Variants in MYO9A observed in about 807,000 individuals in gnomAD.
MYO9A encodes unconventional myosin-IXa.
In MYO9A, 103 loss-of-function variants were observed where a neutral mutation model predicts 293.3. That is an observed-to-expected ratio of 0.35 (90% CI 0.30 to 0.41). The LOEUF (loss-of-function observed/expected upper bound fraction) is 0.41, where lower values mean the gene tolerates loss of function less well. MYO9A is among the 10% of genes least tolerant of loss of function. The pLI is 1.00. For synonymous variants in MYO9A, 1,001 were observed against 1,035.7 expected (o/e 0.97, Z 0.64); for missense variants, 2,685 against 3,033.0 (o/e 0.89, Z 2.69).
At chr15:71,928,987 C>T (rs1003701222) in intron 18 of MYO9A, among the ~76,000 whole-genome samples, 4 of 151,570 alleles carry the variant, frequency 2.6e-5, no homozygotes, top group African/African-American at 9.7e-5. Flanking sequence ...GGAAGGATTG[C>T]TTGAACCCAT....
At chr15:71,904,740 C>A (rs1596153647) in intron 20 of MYO9A, among the ~76,000 whole-genome samples, 186 bp downstream of exon 20, 1 of 152,106 alleles carries the variant, frequency 6.6e-6, no homozygotes, top group African/African-American at 2.4e-5. Flanking sequence ...GATGCTAAAT[C>A]AAATCCAAAT....
intron 11 of MYO9A, among the ~76,000 whole-genome samples, chr15:71,987,032 C>G (rs1824433607): frequency 6.6e-6 from 1 of 152,032 alleles, no homozygotes; most frequent in African/African-American, 2.4e-5. Flanking sequence ...TTTACTGTAT[C>G]TTTTCTATGT....
At chr15:71,950,936 A>T (rs2059034291) in intron 15 of MYO9A, among the ~76,000 whole-genome samples, 1 of 152,234 alleles carries the variant, frequency 6.6e-6, no homozygotes, top group South Asian at 2.1e-4. Flanking sequence ...ACTTATTCTC[A>T]CAATAGCAGT....
At chr15:72,029,574 A>C (rs2077796432) in intron 3 of MYO9A, among the ~76,000 whole-genome samples, 1 of 152,202 alleles carries the variant, frequency 6.6e-6, no homozygotes, top group African/African-American at 2.4e-5. Flanking sequence ...CTGAAACATC[A>C]CTGTGTGGTG....
At chr15:72,018,486 CTTAT>C (rs2077405176) in intron 6 of MYO9A, among the ~76,000 whole-genome samples, 1 of 151,730 alleles carries the variant, frequency 6.6e-6, no homozygotes, top group Admixed American at 6.6e-5. Context: ...TAAAAAAAAC[CTTAT>C]TTATAGGAAT....
In MYO9A at chr15:71,904,854, C is replaced by G. The variant is rs2057585122; in HGVS notation, c.2766+72G>C. ...AGTTAGTGCTTCCCCTCCACTTATT[C>G]TGCTTAAAAGTATTTAAAGCTCAGT... is the stretch of plus-strand genomic sequence containing the variant. On this transcript the variant is annotated intron_variant, in intron 20 of 41. Transcript: ENST00000356056. 4.7e-6 allele frequency: 5 copies of G among 1,066,414 alleles called. No individual in the cohort carries two copies. The East Asian group carries it at 1.2e-4, about 27-fold the overall frequency. The allele number at this position is 1,066,414 out of a possible 1,614,324, so 66.1% of individuals were successfully genotyped here. A position where few individuals can be genotyped will look rare whatever the true frequency, so the allele number is the denominator to read the frequency against.
intron 35 of MYO9A, chr15:71,852,470 T>C: frequency 3.1e-6 from 1 of 322,748 alleles, no homozygotes; most frequent in Non-Finnish European, 5.6e-6. Flanking sequence ...TTCAAGTGAT[T>C]CTCCTGCCTC....
At chr15:72,037,263 A>T (rs1489175567) in intron 2 of MYO9A, among the ~76,000 whole-genome samples, 1 of 620 alleles carries the variant, frequency 1.6e-3, no homozygotes, top group Non-Finnish European at 7.8e-3. Flanking sequence ...GAATGGGGCA[A>T]AAAAAAAAAA....
Position 71,828,015 on chromosome 15 carries a change from G to A in MYO9A, c.7052C>T (p.Thr2351Ile), listed in dbSNP as rs1007079137. The A allele has an allele frequency of 1.2e-6, 2 of 1,613,150 alleles. No homozygotes were observed. The highest frequency in any genetic ancestry group is 1.7e-6 in the Non-Finnish European group (2 of 1,179,640). The change falls in exon 41 of 42, where the codon ACA becomes ATA. Residue 2351 changes from threonine (T) to isoleucine (I), a missense_variant. By Grantham distance (89) the Thr-to-Ile change is moderately conservative. Coordinates refer to ENST00000356056, the MANE Select transcript of MYO9A (RefSeq NM_006901.4). ...ENLQKEKEELTFEMLVLEPRA... is the reference protein window; with the variant it reads ...ENLQKEKEELIFEMLVLEPRA... The stretch of plus-strand genomic sequence containing the variant: ...GGGTTCCAGTACAAGCATCTCAAAT[G>A]TTAGCTCCTCCCTGTAAGACACAAT...
chr15:71,849,949 C>T (rs1279286654), intron 38 of MYO9A, 87 bp downstream of exon 38: 1 of 1,502,104 alleles, frequency 6.7e-7, no homozygotes, highest in Admixed American at 1.8e-5. Context: ...ATTTATGAAC[C>T]CATTCACTAT....
At chr15:71,971,405 T>G (rs890655752) in intron 12 of MYO9A, among the ~76,000 whole-genome samples, 3 of 151,638 alleles carry the variant, frequency 2.0e-5, no homozygotes, top group African/African-American at 7.3e-5. Flanking sequence ...GGCAACAAAG[T>G]TGACTCCTTG....
At chr15:71,974,531 CTT>C (rs1027728456) in intron 12 of MYO9A, among the ~76,000 whole-genome samples, 1 of 152,132 alleles carries the variant, frequency 6.6e-6, no homozygotes, top group Admixed American at 6.6e-5. Context: ...AAAGAAAAAA[CTT>C]TTTTTCTCTC....
At chr15:72,110,059 T>C (rs908520232) in intron 1 of MYO9A, among the ~76,000 whole-genome samples, 14 of 147,366 alleles carry the variant, frequency 9.5e-5, no homozygotes, top group African/African-American at 3.3e-4. Flanking sequence ...CTCAGGAGGT[T>C]GAAGTGGGAG....
At chr15:72,090,888 G>A (rs11072343) in intron 1 of MYO9A, among the ~76,000 whole-genome samples, 6,829 of 151,944 alleles carry the variant, frequency 0.045, 268 homozygotes, top group East Asian at 0.18. Flanking sequence ...GGTGCTGGGC[G>A]CAGTGGCTCA....
intron 12 of MYO9A, among the ~76,000 whole-genome samples, chr15:71,971,898 TAGGCCTCAGGAGC>T (rs1043678758): frequency 4.3e-4 from 66 of 152,064 alleles, no homozygotes; most frequent in Non-Finnish European, 7.4e-5. Context: ...TGGGGTGCTT[TAGGCCTCAGGAGC>T]AGGCCTCAGG....
At chr15:72,011,287 C>T (rs2077166833) in intron 6 of MYO9A, among the ~76,000 whole-genome samples, 1 of 151,838 alleles carries the variant, frequency 6.6e-6, no homozygotes, top group East Asian at 1.9e-4. Flanking sequence ...GCTAGAATTA[C>T]AGGCGTGAGC....
intron 15 of MYO9A, among the ~76,000 whole-genome samples, chr15:71,941,067 A>T (rs1166867901): frequency 6.6e-6 from 1 of 152,202 alleles, no homozygotes; most frequent in Admixed American, 6.5e-5. Flanking sequence ...AGAATAATAT[A>T]CTAAACACTT....
intron 15 of MYO9A, among the ~76,000 whole-genome samples, chr15:71,943,672 G>T (rs1384199721): frequency 6.6e-6 from 1 of 151,966 alleles, no homozygotes; most frequent in Non-Finnish European, 1.5e-5. Context: ...GTTGCCTTAT[G>T]CCCCTTCTTG....
At chr15:71,866,139 C>A (rs975516564) in intron 32 of MYO9A, among the ~76,000 whole-genome samples, 1 of 151,914 alleles carries the variant, frequency 6.6e-6, no homozygotes, top group African/African-American at 2.4e-5. Context: ...TGTGTCAACT[C>A]AATGAAAAAG....
Sources: allele counts gnomAD v4.1 joint callset (sites outside exome capture counted in the v4.1 genomes callset), GRCh38; gene constraint gnomAD v4.1.1; transcripts MANE v1.5; gene names NCBI Gene and HGNC (gene_info 2026-07-23, HGNC 2026-07-21).